TBXA2R: variants seen among roughly 807,000 people sequenced by gnomAD.
The protein encoded by TBXA2R is prostanoid TP receptor.
A neutral mutation model predicts 15.6 loss-of-function variants in TBXA2R; 15 were observed. The ratio of observed to expected loss-of-function variants is 0.96; its 90% confidence interval spans 0.64 to 1.48. The LOEUF is 1.48. Ranked by LOEUF, TBXA2R falls within the 40% of genes most tolerant of loss-of-function variation. TBXA2R has a pLI of 0.00. For synonymous variants in TBXA2R, 280 were observed against 241.2 expected, an observed-to-expected ratio of 1.16 and a Z score of -1.49; for missense variants, 506 against 491.4, an observed-to-expected ratio of 1.03 and a Z score of -0.28.
chr19:3,606,572 C>T lies in TBXA2R; in HGVS notation c.-126G>A, dbSNP rs2032840662. The stretch of plus-strand genomic sequence containing the variant: ...GCGGGGCTCCCACCTGGCTGGATCC[C>T]GCGCCCGGGGGTCCGGGCGCCGTCT... On this transcript the variant is annotated 5_prime_UTR_variant, in exon 1 of 3. Coordinates refer to ENST00000375190, the MANE Select transcript of TBXA2R (RefSeq NM_001060.6). The T allele has an allele frequency of 6.6e-6, 1 of 152,220 alleles. No individual in the cohort carries two copies. Among genetic ancestry groups the T allele is most frequent in the African/African-American group, 2.4e-5 (1 of 41,438 alleles). 9.4% of individuals were successfully genotyped at this position (152,220 alleles called of 1,614,324 possible). A position where few individuals can be genotyped will look rare whatever the true frequency, so the allele number is the denominator to read the frequency against.
At chr19:3,602,993 G>A (rs1224765615) in intron 1 of TBXA2R, among the ~76,000 whole-genome samples, 6 of 151,406 alleles carry the variant, frequency 4.0e-5, no homozygotes, top group South Asian at 4.2e-4. Flanking sequence ...CTGAGATCGC[G>A]CCACTGCCCT....
rs774262525 is a variant in TBXA2R at position 3,600,002 on chromosome 19, G to T, written c.633C>A (p.Ser211=). ...CCACGCTGACCGTGTTCAGCAGGAAGGACAGCCCGACCGAGAGGCCGCCCA... is the reference window on the plus strand; with the variant it reads ...CCACGCTGACCGTGTTCAGCAGGAATGACAGCCCGACCGAGAGGCCGCCCA... ...SMLGGLSVGL[S]FLLNTVSVAT... Residue 211 remains serine, a synonymous_variant, in exon 2 of 3, where the codon TCC becomes TCA. Coordinates refer to ENST00000375190, the MANE Select transcript of TBXA2R (RefSeq NM_001060.6). The T allele has an allele frequency of 6.2e-7, 1 of 1,610,304 alleles. No homozygotes were observed. The highest frequency in any genetic ancestry group is 2.2e-5 in the East Asian group (1 of 44,742).
Position 3,600,726 on chromosome 19 carries a change from C to G in TBXA2R, c.-83-9G>C. The stretch of plus-strand genomic sequence containing the variant: ...CACTGGTTCAGGCACACCTGGGAGG[C>G]GAGAGAAGATTTGCTTGTGATTAAT... On this transcript the variant is annotated splice_polypyrimidine_tract_variant and intron_variant, in intron 1 of 2. Transcript: ENST00000375190. The G allele has an allele frequency of 2.8e-6, 4 of 1,441,356 alleles. No homozygotes were observed. Among genetic ancestry groups the G allele is most frequent in the African/African-American group, 1.4e-5 (1 of 70,862 alleles). The allele number at this position is 1,441,356 out of a possible 1,614,324, so 89.3% of individuals were successfully genotyped here.
intron 2 of TBXA2R, among the ~76,000 whole-genome samples, chr19:3,597,759 C>T (rs949993150): frequency 2.6e-5 from 4 of 151,928 alleles, no homozygotes; most frequent in Non-Finnish European, 2.9e-5. Flanking sequence ...GATGAAACCC[C>T]GTCTCTACTA....
In TBXA2R at chr19:3,595,812, A is replaced by G. The variant is rs2032590742; in HGVS notation, c.908T>C (p.Leu303Pro). Reference sequence around the variant, plus strand: ...GAACAGGATATACACCCAGGGGTCCAGGATCTGGTTCCAGGTGGCCACGCG... The same window carrying G: ...GAACAGGATATACACCCAGGGGTCCGGGATCTGGTTCCAGGTGGCCACGCG... ...YLRVATWNQI[L>P]DPWVYILFRR... The change falls in exon 3 of 3, where the codon CTG (leucine) becomes CCG (proline). Residue 303 changes from leucine (L) to proline (P), a missense_variant. Transcript: ENST00000375190. The G allele has an allele frequency of 1.9e-6, 3 of 1,611,860 alleles. No homozygotes were observed. Among genetic ancestry groups the G allele is most frequent in the Non-Finnish European group, 1.7e-6 (2 of 1,179,374 alleles).
chr19:3,598,772 G>A (rs1283641054), intron 2 of TBXA2R, among the ~76,000 whole-genome samples: 1 of 151,698 alleles, frequency 6.6e-6, no homozygotes, highest in African/African-American at 2.4e-5. Context: ...GGGTTCAAGC[G>A]ATTCTCTTGC....
chr19:3,602,760 C>CA (rs56274535), intron 1 of TBXA2R, among the ~76,000 whole-genome samples: 131 of 105,920 alleles, frequency 1.2e-3, no homozygotes, highest in Middle Eastern at 5.3e-3. Context: ...AACTCCGTCT[C>CA]AAAAAAAAAA....
Position 3,600,342 on chromosome 19 carries a change from A to G in TBXA2R, c.293T>C (p.Val98Ala). The G allele has an allele frequency of 1.2e-6, 2 of 1,613,282 alleles. No homozygotes were observed. The highest frequency in any genetic ancestry group is 1.7e-6 in the Non-Finnish European group (2 of 1,179,834). Reference protein sequence around the residue: ...QHAALFEWHAVDPGCRLCRFM... With the variant: ...QHAALFEWHAADPGCRLCRFM... ...GCGACAGAGACGGCAGCCAGGGTCC[A>G]CGGCGTGCCACTCGAAGAGCGCGGC... The change falls in exon 2 of 3, where the codon GTG (valine) becomes GCG (alanine). Residue 98 changes from valine to alanine, a missense_variant. By Grantham distance (64) the Val-to-Ala change is moderately conservative (BLOSUM62 0). Transcript: ENST00000375190.
At chr19:3,606,021 A>G (rs566083253) in intron 1 of TBXA2R, among the ~76,000 whole-genome samples, 4 of 152,310 alleles carry the variant, frequency 2.6e-5, no homozygotes, top group African/African-American at 9.6e-5. Flanking sequence ...AGACACAGAA[A>G]GACACACAGA....
At chr19:3,603,547 G>T (rs1183080662) in intron 1 of TBXA2R, among the ~76,000 whole-genome samples, 1 of 152,158 alleles carries the variant, frequency 6.6e-6, no homozygotes, top group Non-Finnish European at 1.5e-5. Context: ...GACATTCCTT[G>T]GGACTCGGCT....
chr19:3,603,482 G>C (rs1040625357), intron 1 of TBXA2R, among the ~76,000 whole-genome samples: 15 of 152,180 alleles, frequency 9.9e-5, no homozygotes, highest in African/African-American at 3.4e-4. Context: ...CCTGCACTGG[G>C]ATTTCCCCTG....
In TBXA2R at chr19:3,594,724, G is replaced by T. The variant is rs200698678; in HGVS notation, c.*964C>A. 1.1e-6 allele frequency: 1 copy of T among 918,966 alleles called. No individual in the cohort carries two copies. The allele number at this position is 918,966 out of a possible 1,614,324, so 56.9% of individuals were successfully genotyped here. A position where few individuals can be genotyped will look rare whatever the true frequency, so the allele number is the denominator to read the frequency against. On this transcript the variant is annotated 3_prime_UTR_variant, in exon 3 of 3. Coordinates refer to ENST00000375190, the MANE Select transcript of TBXA2R (RefSeq NM_001060.6). The stretch of plus-strand genomic sequence containing the variant: ...CCCAGCCCTGCCCTCGTCTGCTCCG[G>T]GTGAGGCCCAATGCACAAACTCCAG...
At chr19:3,600,825 G>GTTTTTTTTTTT (rs201563283) in intron 1 of TBXA2R, 108 bp from the exon 2 acceptor site, 4 of 454,812 alleles carry the variant, frequency 8.8e-6, no homozygotes, top group African/African-American at 5.5e-5. Flanking sequence ...TATCCTCTCC[G>GTTTTTTTTTTT]GTTTTTTTTT....
At chr19:3,601,736 A>C (rs752448522) in intron 1 of TBXA2R, among the ~76,000 whole-genome samples, 26 of 151,620 alleles carry the variant, frequency 1.7e-4, no homozygotes, top group Non-Finnish European at 2.9e-4. Flanking sequence ...AAACCAGCCT[A>C]GCCAACATGG....
chr19:3,598,485 G>A (rs2032646856), intron 2 of TBXA2R, among the ~76,000 whole-genome samples: 1 of 150,662 alleles, frequency 6.6e-6, no homozygotes, highest in Admixed American at 6.6e-5. Flanking sequence ...TGAGTAGCTG[G>A]GACTACAGGA....
rs746012285 is a variant in TBXA2R at position 3,595,832 on chromosome 19, C to T, written c.888G>A (p.Val296=). The change falls in exon 3 of 3, where the codon GTG becomes GTA. Residue 296 remains valine (V), a synonymous_variant. Transcript: ENST00000375190. ...GGTCCAGGATCTGGTTCCAGGTGGC[C>T]ACGCGCAAGTAGATGAGCAGCTCCT... ...TEKELLIYLR[V]ATWNQILDPW... 6.2e-7 allele frequency: 1 copy of T among 1,611,778 alleles called. No individual in the cohort carries two copies. The highest frequency in any genetic ancestry group is 8.5e-7 in the Non-Finnish European group (1 of 1,179,290).
At chr19:3,605,107 G>C (rs1473565208) in intron 1 of TBXA2R, among the ~76,000 whole-genome samples, 6 of 152,228 alleles carry the variant, frequency 3.9e-5, no homozygotes, top group African/African-American at 1.4e-4. Context: ...CAGCCAGCCA[G>C]ACTCCGGCCA....
rs149509096 is a variant in TBXA2R, at chr19:3,596,931, T to A, written c.787-998A>T. ...AATTATATTTATCTATAGGTCAGGATTGATGGGAAATTTTTTTTTTTTTTT... is the reference window on the plus strand; with the variant it reads ...AATTATATTTATCTATAGGTCAGGAATGATGGGAAATTTTTTTTTTTTTTT... On this transcript the variant is annotated intron_variant, in intron 2 of 2. Transcript: ENST00000375190. 3.9e-3 allele frequency among the ~76,000 whole-genome samples: 594 copies of A among 151,290 alleles called. 18 individuals are homozygous for A. The highest frequency in any genetic ancestry group is 0.036 in the Admixed American group (544 of 15,188).
chr19:3,600,417 G>A lies in TBXA2R; in HGVS notation c.218C>T (p.Thr73Ile). ...FLTFLCGLVL[T>I]DFLGLLVTGT... ...GGTCACCAGCAGCCCCAGGAAGTCG[G>A]TGAGGACGAGGCCGCAGAGGAAGGT... The change falls in exon 2 of 3, where the codon ACC (threonine) becomes ATC (isoleucine). Residue 73 changes from threonine to isoleucine, a missense_variant. By Grantham distance (89) the Thr-to-Ile change is moderately conservative. Transcript: ENST00000375190. The A allele has an allele frequency of 6.2e-7, 1 of 1,613,410 alleles. No homozygotes were observed.
Sources: allele counts gnomAD v4.1 joint callset (sites outside exome capture counted in the v4.1 genomes callset), GRCh38; gene constraint gnomAD v4.1.1; transcripts MANE v1.5; gene names NCBI Gene and HGNC (gene_info 2026-07-23, HGNC 2026-07-21).